The following ADAMTSL3 variants were observed in gnomAD, a reference collection of about 807,000 sequenced individuals.
The protein encoded by ADAMTSL3 is ADAMTS like 3, also known as ADAMTS-like protein 3.
In ADAMTSL3, 128 loss-of-function variants were observed where a neutral mutation model predicts 201.7. That is an observed-to-expected ratio of 0.63 (90% confidence interval 0.55 to 0.73). The LOEUF (loss-of-function observed/expected upper bound fraction) is 0.73. Ranked by LOEUF, ADAMTSL3 falls within the 30% of genes least tolerant of loss-of-function variation. The pLI is 0.00. For missense variants in ADAMTSL3, 1,990 were observed against 2,119.6 expected, an observed-to-expected ratio of 0.94 and a Z score of 1.20; for synonymous variants, 738 against 748.4, an observed-to-expected ratio of 0.99 and a Z score of 0.23.
intron 13 of ADAMTSL3, among the ~76,000 whole-genome samples, chr15:83,896,020 G>C (rs1031420699): frequency 6.6e-6 from 1 of 152,136 alleles, no homozygotes; most frequent in Non-Finnish European, 1.5e-5. Flanking sequence ...AGTGCTTAGG[G>C]GGTCAGAAAA....
intron 3 of ADAMTSL3, among the ~76,000 whole-genome samples, chr15:83,745,897 T>A (rs1318133128): frequency 6.6e-6 from 1 of 152,224 alleles, no homozygotes; most frequent in Non-Finnish European, 1.5e-5. Context: ...CTGTGTCAGG[T>A]ACATTATCAA....
intron 17 of ADAMTSL3, among the ~76,000 whole-genome samples, chr15:83,924,784 C>A (rs2066217768): frequency 6.6e-6 from 1 of 152,170 alleles, no homozygotes; most frequent in Non-Finnish European, 1.5e-5. Context: ...CTTTTCCTTT[C>A]TCTCTCCTTT....
At chr15:83,729,312 T>G (rs1411531956) in intron 3 of ADAMTSL3, among the ~76,000 whole-genome samples, 1 of 152,088 alleles carries the variant, frequency 6.6e-6, no homozygotes, top group African/African-American at 2.4e-5. Flanking sequence ...TTTGGGAAAT[T>G]CTCTGTTATT....
intron 3 of ADAMTSL3, among the ~76,000 whole-genome samples, chr15:83,719,553 A>G (rs564604023): frequency 6.6e-6 from 1 of 152,234 alleles, no homozygotes; most frequent in Non-Finnish European, 1.5e-5. Context: ...GCTAAAAAGT[A>G]TATTTTATGA....
At chr15:83,876,428 C>A (rs976588820) in intron 9 of ADAMTSL3, among the ~76,000 whole-genome samples, 2 of 141,880 alleles carry the variant, frequency 1.4e-5, no homozygotes, top group Non-Finnish European at 3.0e-5. Flanking sequence ...ATTCTTAATT[C>A]ATTCTATTTT....
chr15:83,794,354 A>C (rs916850176), intron 4 of ADAMTSL3, among the ~76,000 whole-genome samples: 1 of 152,242 alleles, frequency 6.6e-6, no homozygotes, highest in Non-Finnish European at 1.5e-5. Context: ...AAACCTGTAC[A>C]TGAATGTTTA....
chr15:83,923,109 T>A (rs1312947445), intron 16 of ADAMTSL3, among the ~76,000 whole-genome samples: 1 of 152,172 alleles, frequency 6.6e-6, no homozygotes, highest in Non-Finnish European at 1.5e-5. Context: ...AGGAGCAGTC[T>A]TGTACTTTTT....
At chr15:84,037,070 C>T (rs138345968) in intron 29 of ADAMTSL3, 83 bp downstream of exon 29, 46 of 1,397,732 alleles carry the variant, frequency 3.3e-5, no homozygotes, top group Non-Finnish European at 4.5e-5. Flanking sequence ...GGCACCAAAC[C>T]CTGCTAGTGA....
intron 4 of ADAMTSL3, among the ~76,000 whole-genome samples, chr15:83,798,258 T>A (rs1033147913): frequency 6.6e-6 from 1 of 152,216 alleles, no homozygotes; most frequent in East Asian, 1.9e-4. Flanking sequence ...ATTCTGAAAT[T>A]TGCTTGTAGG....
intron 6 of ADAMTSL3, among the ~76,000 whole-genome samples, chr15:83,834,780 T>C (rs1412334482): frequency 6.6e-6 from 1 of 152,238 alleles, no homozygotes; most frequent in Admixed American, 6.5e-5. Flanking sequence ...TAATTTATGC[T>C]CTGTAGTGTC....
intron 3 of ADAMTSL3, among the ~76,000 whole-genome samples, chr15:83,718,719 A>G (rs2062053975): frequency 6.6e-6 from 1 of 152,052 alleles, no homozygotes; most frequent in Admixed American, 6.6e-5. Context: ...TTGGGACAAA[A>G]TTTGAGCATC....
chr15:83,730,622 A>ATT (rs11376499), intron 3 of ADAMTSL3, among the ~76,000 whole-genome samples: 26 of 149,598 alleles, frequency 1.7e-4, no homozygotes, highest in East Asian at 9.8e-4. Context: ...TAGAATCATA[A>ATT]TTTTTTTTTT....
chr15:84,027,036 A>G (rs995519687), intron 27 of ADAMTSL3, among the ~76,000 whole-genome samples: 1 of 152,242 alleles, frequency 6.6e-6, no homozygotes, highest in African/African-American at 2.4e-5. Flanking sequence ...AAAGGAGATT[A>G]TCTCTAAAAT....
At chr15:83,870,043 G>A (rs915021506) in intron 8 of ADAMTSL3, among the ~76,000 whole-genome samples, 1 of 152,166 alleles carries the variant, frequency 6.6e-6, no homozygotes, top group African/African-American at 2.4e-5. Context: ...TTTAAATAAA[G>A]TACAAATGTT....
chr15:84,014,675 C>T lies in ADAMTSL3; in HGVS notation c.4107C>T (p.Ala1369=). Residue 1369 remains alanine (A), a synonymous_variant, in exon 24 of 30, where the codon GCC becomes GCT. Coordinates refer to ENST00000286744, the MANE Select transcript of ADAMTSL3 (RefSeq NM_207517.3). ...LENEGTYVCI[A]TNALGKAVAT... ...ATGAAGGAACCTACGTCTGCATAGCCACCAATGCTCTTGGAAAGGCAGTGG... is the reference window on the plus strand; with the variant it reads ...ATGAAGGAACCTACGTCTGCATAGCTACCAATGCTCTTGGAAAGGCAGTGG... The T allele has an allele frequency of 6.2e-7, 1 of 1,609,830 alleles. No individual in the cohort carries two copies. Among genetic ancestry groups the T allele is most frequent in the South Asian group, 1.1e-5 (1 of 89,916 alleles).
chr15:83,957,779 A>G (rs1301084137), intron 19 of ADAMTSL3, among the ~76,000 whole-genome samples: 1 of 152,130 alleles, frequency 6.6e-6, no homozygotes, highest in Non-Finnish European at 1.5e-5. Context: ...AAAGAATTAC[A>G]GCTCAGAAAA....
intron 16 of ADAMTSL3, among the ~76,000 whole-genome samples, chr15:83,913,708 AT>A (rs1050640383): frequency 1.3e-5 from 2 of 152,226 alleles, no homozygotes; most frequent in African/African-American, 4.8e-5. Context: ...AGTCTTATAG[AT>A]TGAGGTAGCC....
At chr15:83,870,227 C>CTAT (rs2065056921) in intron 8 of ADAMTSL3, among the ~76,000 whole-genome samples, 1 of 152,110 alleles carries the variant, frequency 6.6e-6, no homozygotes, top group African/African-American at 2.4e-5. Context: ...TGGCATTGAA[C>CTAT]TATATGCACA....
At chr15:83,847,031 A>G (rs1353836038) in intron 7 of ADAMTSL3, among the ~76,000 whole-genome samples, 1 of 152,236 alleles carries the variant, frequency 6.6e-6, no homozygotes, top group African/African-American at 2.4e-5. Context: ...AGTTTAGGCC[A>G]GTAAATAAAC....
Sources: allele counts gnomAD v4.1 joint callset (sites outside exome capture counted in the v4.1 genomes callset), GRCh38; gene constraint gnomAD v4.1.1; transcripts MANE v1.5; gene names NCBI Gene and HGNC (gene_info 2026-07-23, HGNC 2026-07-21).